DIP2B: variants seen among roughly 807,000 people sequenced by gnomAD.
DIP2B encodes DIP2 acetate--CoA ligase B (putative), also known as disco-interacting protein 2 homolog B.
DIP2B carries 76 observed loss-of-function variants against 198.0 expected under a neutral mutation model. The observed-to-expected ratio is 0.38, with a 90% CI of 0.32 to 0.46. DIP2B has a LOEUF of 0.46. DIP2B is among the 20% of genes least tolerant of loss of function. The probability of loss-of-function intolerance (pLI) is 0.99; values close to 1 mark genes in which losing one functional copy is unlikely to be tolerated. For missense variants in DIP2B, 1,559 were observed against 1,978.4 expected, an observed-to-expected ratio of 0.79 and a Z score of 4.02; for synonymous variants, 701 against 739.1, an observed-to-expected ratio of 0.95 and a Z score of 0.84.
At chr12:50,619,862 G>C (rs1283319473) in intron 1 of DIP2B, among the ~76,000 whole-genome samples, 1 of 152,048 alleles carries the variant, frequency 6.6e-6, no homozygotes, top group Non-Finnish European at 1.5e-5. Context: ...TTTGAGACCA[G>C]CCTGGGCAAT....
At position 50,745,891 on chromosome 12, in the gene DIP2B, C is replaced by G. The variant is rs1054571468; in HGVS notation, c.*1052C>G. ...TCTACAGTTTATCCATATAACTTCT[C>G]TTCTGAAAACTGAGGAGTGTCCTCT... On this transcript the variant is annotated 3_prime_UTR_variant, in exon 38 of 38. Coordinates refer to ENST00000301180, the MANE Select transcript of DIP2B (RefSeq NM_173602.3). The G allele has an allele frequency of 1.1e-4, 16 of 152,178 alleles. No individual in the cohort carries two copies. The highest frequency in any genetic ancestry group is 3.4e-4 in the African/African-American group (14 of 41,420). 9.4% of individuals were successfully genotyped at this position (152,178 alleles called of 1,614,324 possible).
intron 17 of DIP2B, among the ~76,000 whole-genome samples, chr12:50,697,533 CTTTTTTTTT>C (rs11306905): frequency 3.7e-4 from 17 of 45,958 alleles, no homozygotes; most frequent in African/African-American, 1.7e-3. Flanking sequence ...TATAGATATA[CTTTTTTTTT>C]TTTTTTTTTT....
rs767491094 is a variant in DIP2B, at chr12:50,662,228, C to T, written c.427+1909C>T. Among the ~76,000 whole-genome samples the T allele has an allele frequency of 5.9e-5, 9 of 152,194 alleles. 1 individual carries two copies. The highest frequency in any genetic ancestry group is 3.3e-4 in the Admixed American group (5 of 15,266). ...AACAGAGTAATAAAAAGGTTCTGTA[C>T]CCATTTATCTCCTGTTCTGGGGATC... On this transcript the variant is annotated intron_variant, in intron 4 of 37. Coordinates refer to ENST00000301180, the MANE Select transcript of DIP2B (RefSeq NM_173602.3).
Position 50,695,351 on chromosome 12 carries a change from G to T in DIP2B, c.1804G>T (p.Ala602Ser), listed in dbSNP as rs775018481. 4.3e-6 allele frequency: 7 copies of T among 1,613,486 alleles called. No individual in the cohort carries two copies. In the South Asian group the frequency reaches 7.7e-5, roughly 18 times the overall value. ...CPLSWVQRVH[A>S]HKAKVALVKC... ...TCTCTCTTGGGTCCAAAGAGTACAT[G>T]CTCACAAAGGTAGTCACCTGCAACA... The change falls in exon 15 of 38, where the codon GCT becomes TCT. Residue 602 changes from alanine (A) to serine (S), a missense_variant. Physicochemically the swap from Ala to Ser is moderately conservative, Grantham distance 99 (BLOSUM62 1). Coordinates refer to ENST00000301180, the MANE Select transcript of DIP2B (RefSeq NM_173602.3).
At chr12:50,609,742 G>A (rs993384883) in intron 1 of DIP2B, among the ~76,000 whole-genome samples, 3 of 152,190 alleles carry the variant, frequency 2.0e-5, no homozygotes, top group Non-Finnish European at 4.4e-5. Flanking sequence ...CCATCCTATT[G>A]TGGAAGATAA....
chr12:50,706,864 T>A (rs987669392), intron 21 of DIP2B, among the ~76,000 whole-genome samples, 199 bp downstream of exon 21: 5 of 152,162 alleles, frequency 3.3e-5, no homozygotes, highest in Non-Finnish European at 7.4e-5. Context: ...CAACATCTGG[T>A]GCTTCAGCTG....
intron 3 of DIP2B, among the ~76,000 whole-genome samples, chr12:50,645,620 G>T (rs1353370537): frequency 6.6e-6 from 1 of 151,950 alleles, no homozygotes; most frequent in African/African-American, 2.4e-5. Flanking sequence ...ACTGTGCCAG[G>T]TTAACTTATT....
intron 1 of DIP2B, among the ~76,000 whole-genome samples, chr12:50,534,039 AT>A (rs1013620327): frequency 2.4e-4 from 36 of 152,186 alleles, no homozygotes; most frequent in African/African-American, 8.4e-4. Flanking sequence ...CTTAGAATTC[AT>A]TTTTTTCTAA....
intron 1 of DIP2B, among the ~76,000 whole-genome samples, chr12:50,565,261 T>C (rs1958553762): frequency 6.6e-6 from 1 of 151,964 alleles, no homozygotes; most frequent in Non-Finnish European, 1.5e-5. Flanking sequence ...CCTCCCAAAG[T>C]GCTGGGATTG....
chr12:50,546,172 G>A (rs1020404606), intron 1 of DIP2B, among the ~76,000 whole-genome samples: 1 of 152,178 alleles, frequency 6.6e-6, no homozygotes, highest in Non-Finnish European at 1.5e-5. Flanking sequence ...ATGCACACAT[G>A]TGCAAATATG....
In DIP2B at chr12:50,714,514, G is replaced by A. The variant is rs1307723683; in HGVS notation, c.2769G>A (p.Glu923=). 1.9e-6 allele frequency: 3 copies of A among 1,614,000 alleles called. No homozygotes were observed. The highest frequency in any genetic ancestry group is 2.7e-5 in the African/African-American group (2 of 74,900). ...HISQTKQLFL[E]GSLHPCNILM... ...CTCAGACGAAACAACTCTTTCTGGA[G>A]GGATCACTGCATCCTTGCAACATCC... The change falls in exon 23 of 38, where the codon GAG becomes GAA. Residue 923 remains glutamate (E), a synonymous_variant. Transcript: ENST00000301180.
At chr12:50,713,802 G>C (rs541334485) in intron 22 of DIP2B, among the ~76,000 whole-genome samples, 3 of 26,732 alleles carry the variant, frequency 1.1e-4, no homozygotes, top group African/African-American at 2.0e-4. Context: ...GGCTGGGCAT[G>C]GTATGACAGT....
chr12:50,549,955 A>G (rs1218897864), intron 1 of DIP2B, among the ~76,000 whole-genome samples: 1 of 152,148 alleles, frequency 6.6e-6, no homozygotes, highest in Non-Finnish European at 1.5e-5. Flanking sequence ...ACCTAGTTGT[A>G]TGAAATTTGG....
chr12:50,579,734 C>A (rs1958706502), intron 1 of DIP2B, among the ~76,000 whole-genome samples: 15 of 125,024 alleles, frequency 1.2e-4, no homozygotes, highest in Admixed American at 1.8e-4. Flanking sequence ...GCTTCATGGA[C>A]CCCTGTAATT....
intron 20 of DIP2B, among the ~76,000 whole-genome samples, chr12:50,705,737 A>G (rs954796225): frequency 2.6e-5 from 4 of 152,206 alleles, no homozygotes; most frequent in Non-Finnish European, 5.9e-5. Flanking sequence ...TTCCTGACAT[A>G]TGGGTTGAAC....
At chr12:50,738,630 G>A (rs931883320) in intron 35 of DIP2B, among the ~76,000 whole-genome samples, 2 of 152,004 alleles carry the variant, frequency 1.3e-5, no homozygotes, top group African/African-American at 2.4e-5. Context: ...ATTACCAGGC[G>A]CACACCACCA....
chr12:50,591,711 G>T (rs1283798550), intron 1 of DIP2B, among the ~76,000 whole-genome samples: 1 of 151,246 alleles, frequency 6.6e-6, no homozygotes, highest in Non-Finnish European at 1.5e-5. Flanking sequence ...CATCCCACCT[G>T]GGCCTCCCAA....
intron 1 of DIP2B, among the ~76,000 whole-genome samples, chr12:50,576,789 C>G (rs1454501726): frequency 2.6e-5 from 4 of 151,822 alleles, no homozygotes; most frequent in South Asian, 2.1e-4. Context: ...CCGGTCTGAC[C>G]CTTTACAGAA....
At chr12:50,721,563 C>A (rs754955430) in intron 26 of DIP2B, among the ~76,000 whole-genome samples, 167 bp downstream of exon 26, 5 of 152,176 alleles carry the variant, frequency 3.3e-5, no homozygotes, top group African/African-American at 1.2e-4. Flanking sequence ...TCCTCACCCC[C>A]CAAGTTGTGC....
Sources: gnomAD v4.1 joint callset for allele counts (sites outside exome capture counted in the v4.1 genomes callset) on GRCh38, gnomAD v4.1.1 for gene constraint, MANE v1.5 for transcripts, NCBI Gene and HGNC (gene_info 2026-07-23, HGNC 2026-07-21) for gene names.